LYPLAL1: variants seen among roughly 807,000 people sequenced by gnomAD.
LYPLAL1 encodes lysophospholipase-like protein 1.
Under a neutral mutation model 19.7 loss-of-function variants are expected in LYPLAL1, and 23 were observed. That is an observed-to-expected ratio of 1.17 (90% CI 0.84 to 1.65). The LOEUF (loss-of-function observed/expected upper bound fraction) is 1.65. Ranked by LOEUF, LYPLAL1 falls within the 40% of genes most tolerant of loss-of-function variation. The pLI is 0.00. For missense variants in LYPLAL1, 355 were observed against 279.4 expected (o/e 1.27, Z -1.93); for synonymous variants, 119 against 96.3 (o/e 1.24, Z -1.38).
At chr1:219,358,662 C>T in the LYPLAL1 span, among the ~76,000 whole-genome samples, 2 of 152,128 alleles carry the variant, frequency 1.3e-5, no homozygotes, top group Non-Finnish European at 1.5e-5. Context: ...AACTCATTCA[C>T]TATCAGGAGA....
chr1:219,294,990 A>G, the LYPLAL1 span, among the ~76,000 whole-genome samples: 1 of 152,066 alleles, frequency 6.6e-6, no homozygotes, highest in Non-Finnish European at 1.5e-5. Flanking sequence ...GCCAATGGCA[A>G]TTCCTGGAGG....
chr1:219,330,439 A>AT, the LYPLAL1 span, among the ~76,000 whole-genome samples: 1 of 152,196 alleles, frequency 6.6e-6, no homozygotes, highest in African/African-American at 2.4e-5. Context: ...AATTGTCTAG[A>AT]TGCTAATTGC....
At chr1:219,433,249 C>T in the LYPLAL1 span, among the ~76,000 whole-genome samples, 1 of 152,130 alleles carries the variant, frequency 6.6e-6, no homozygotes, top group Non-Finnish European at 1.5e-5. Context: ...TCCAAGGCCA[C>T]CTAGGGAACT....
chr1:219,288,486 A>G, the LYPLAL1 span, among the ~76,000 whole-genome samples: 2 of 152,214 alleles, frequency 1.3e-5, no homozygotes, highest in South Asian at 2.1e-4. Context: ...TAATTTATCT[A>G]CAGAAAATTT....
the LYPLAL1 span, among the ~76,000 whole-genome samples, chr1:219,360,007 G>C: frequency 1.3e-5 from 2 of 152,164 alleles, no homozygotes; most frequent in Non-Finnish European, 2.9e-5. Flanking sequence ...CCAAGGTCTT[G>C]TAAGTCTCAA....
the LYPLAL1 span, among the ~76,000 whole-genome samples, chr1:219,322,927 T>G: frequency 2.0e-5 from 3 of 152,230 alleles, no homozygotes; most frequent in African/African-American, 7.2e-5. Flanking sequence ...TGCTTTTCCC[T>G]TTGTTTCTAC....
At chr1:219,372,833 G>A in the LYPLAL1 span, among the ~76,000 whole-genome samples, 2 of 152,156 alleles carry the variant, frequency 1.3e-5, no homozygotes, top group South Asian at 2.1e-4. Context: ...GAGCCTGGGA[G>A]GTAGAGGCTG....
the LYPLAL1 span, among the ~76,000 whole-genome samples, chr1:219,406,068 C>A: frequency 6.6e-6 from 1 of 152,204 alleles, no homozygotes; most frequent in East Asian, 1.9e-4. Flanking sequence ...CTTCAAGTGC[C>A]AACTGCAACC....
downstream of LYPLAL1, among the ~76,000 whole-genome samples, chr1:219,214,522 C>T (rs903845694): frequency 2.0e-5 from 3 of 151,928 alleles, no homozygotes; most frequent in African/African-American, 7.2e-5. Flanking sequence ...CATACTATAA[C>T]TTTTTATCTT....
At chr1:219,350,286 A>T in the LYPLAL1 span, among the ~76,000 whole-genome samples, 7 of 149,998 alleles carry the variant, frequency 4.7e-5, no homozygotes, top group African/African-American at 1.5e-4. Context: ...CAAGGTTGTT[A>T]TTTTTTTTTT....
chr1:219,193,333 T>C, intron 3 of LYPLAL1, 82 bp downstream of exon 3: 2 of 1,116,348 alleles, frequency 1.8e-6, no homozygotes, highest in Non-Finnish European at 2.6e-6. Flanking sequence ...GAACATTATT[T>C]AGAAGCACTT....
At chr1:219,324,720 T>C in the LYPLAL1 span, among the ~76,000 whole-genome samples, 4 of 152,184 alleles carry the variant, frequency 2.6e-5, no homozygotes, top group African/African-American at 7.2e-5. Flanking sequence ...TGTGTGTATG[T>C]GTGTGTTGGT....
At chr1:219,198,418 A>G (rs1484991903) in intron 3 of LYPLAL1, 1 of 152,098 alleles carries the variant, frequency 6.6e-6, no homozygotes, top group Non-Finnish European at 1.5e-5. Context: ...TTTTTAAAGT[A>G]TAGTTTAGAA....
At chr1:219,329,074 T>C in the LYPLAL1 span, among the ~76,000 whole-genome samples, 2 of 150,730 alleles carry the variant, frequency 1.3e-5, no homozygotes, top group Non-Finnish European at 3.0e-5. Flanking sequence ...CTTTTTTTTC[T>C]GTTCCTTCTC....
chr1:219,263,859 G>A, the LYPLAL1 span, among the ~76,000 whole-genome samples: 1 of 152,214 alleles, frequency 6.6e-6, no homozygotes, highest in Admixed American at 6.5e-5. Context: ...TTCATACTTT[G>A]GGAACTCACA....
chr1:219,323,303 A>G, the LYPLAL1 span, among the ~76,000 whole-genome samples: 1 of 152,322 alleles, frequency 6.6e-6, no homozygotes, highest in African/African-American at 2.4e-5. Context: ...AAGAGGAAGA[A>G]AAATGAGAGG....
the LYPLAL1 span, among the ~76,000 whole-genome samples, chr1:219,337,147 ACATTGGG>A: frequency 0.31 from 46,480 of 151,534 alleles, 8,450 homozygotes; most frequent in Non-Finnish European, 0.4. Flanking sequence ...TCTCGTGATT[ACATTGGG>A]CATTGGATCC....
chr1:219,178,509 T>C lies in LYPLAL1; in HGVS notation c.92-638T>C, dbSNP rs113050897. 4.8e-3 allele frequency among the ~76,000 whole-genome samples: 728 copies of C among 152,346 alleles called. 8 individuals are homozygous for C. The highest frequency in any genetic ancestry group is 0.016 in the African/African-American group (684 of 41,592). On this transcript the variant is annotated intron_variant, in intron 1 of 4. Coordinates refer to ENST00000366928, the MANE Select transcript of LYPLAL1 (RefSeq NM_138794.5). Reference sequence around the variant, plus strand: ...CCTTAATTTCCTCCTCAGGACTCCATAAGATGGACTTATATTTCCTTCCAT... The same window carrying C: ...CCTTAATTTCCTCCTCAGGACTCCACAAGATGGACTTATATTTCCTTCCAT...
At chr1:219,370,915 C>G in the LYPLAL1 span, among the ~76,000 whole-genome samples, 1 of 152,052 alleles carries the variant, frequency 6.6e-6, no homozygotes, top group African/African-American at 2.4e-5. Context: ...AGACAGTAAC[C>G]CTTCTATCTC....
Sources: allele counts gnomAD v4.1 joint callset (sites outside exome capture counted in the v4.1 genomes callset), GRCh38; gene constraint gnomAD v4.1.1; transcripts MANE v1.5; gene names NCBI Gene and HGNC (gene_info 2026-07-23, HGNC 2026-07-21).